GRM7: variants seen among roughly 807,000 people sequenced by gnomAD.
GRM7 encodes the protein glutamate metabotropic receptor 7.
Under a neutral mutation model 84.5 loss-of-function variants are expected in GRM7, and 35 were observed. That is an observed-to-expected ratio of 0.41 (90% CI 0.32 to 0.55). The LOEUF is 0.55. GRM7 is among the 20% of genes least tolerant of loss of function. GRM7 has a pLI of 0.19. For synonymous variants in GRM7, 487 were observed against 455.1 expected (o/e 1.07, Z -0.89); for missense variants, 1,003 against 1,194.6 (o/e 0.84, Z 2.36).
intron 1 of GRM7, among the ~76,000 whole-genome samples, chr3:6,887,593 G>T (rs541351917): frequency 1.3e-5 from 2 of 152,100 alleles, no homozygotes; most frequent in Admixed American, 6.6e-5. Flanking sequence ...GTATTCCATG[G>T]TGTATATATG....
chr3:7,015,538 A>C (rs1021012397), intron 1 of GRM7, among the ~76,000 whole-genome samples: 37 of 152,242 alleles, frequency 2.4e-4, no homozygotes, highest in African/African-American at 7.5e-4. Context: ...GATTAAAATA[A>C]TGAAAACATA....
chr3:7,404,073 A>G (rs950917355), intron 4 of GRM7, among the ~76,000 whole-genome samples: 1 of 152,158 alleles, frequency 6.6e-6, no homozygotes, highest in Non-Finnish European at 1.5e-5. Flanking sequence ...TCTGGTTTGG[A>G]GTCCAAGCAA....
intron 1 of GRM7, among the ~76,000 whole-genome samples, chr3:7,068,790 A>C (rs1165173960): frequency 1.3e-5 from 2 of 151,910 alleles, no homozygotes; most frequent in Admixed American, 6.6e-5. Flanking sequence ...TTCAGTTTCA[A>C]CTGTGAAAAA....
intron 4 of GRM7, among the ~76,000 whole-genome samples, chr3:7,316,939 G>T (rs1377608790): frequency 6.6e-6 from 1 of 152,106 alleles, no homozygotes; most frequent in East Asian, 1.9e-4. Context: ...AGAATATTCT[G>T]TCATCACGAG....
rs552329592 is a variant in GRM7 at position 7,664,747 on chromosome 3, T to C, written c.2452-15302T>C. Among the ~76,000 whole-genome samples, 8 of 152,262 alleles carry C rather than the reference T, an allele frequency of 5.3e-5. No homozygotes were observed. In the South Asian group the frequency reaches 1.7e-3, roughly 32 times the overall value. On this transcript the variant is annotated intron_variant, in intron 8 of 9. Transcript: ENST00000357716. ...AAGACAGGTAGTCTCTGCTCTACCATAGAAAGAAAATTATAAAGATACTGG... is the reference window on the plus strand; with the variant it reads ...AAGACAGGTAGTCTCTGCTCTACCACAGAAAGAAAATTATAAAGATACTGG...
intron 2 of GRM7, among the ~76,000 whole-genome samples, chr3:7,222,564 C>T (rs558819645): frequency 7.2e-5 from 11 of 152,220 alleles, no homozygotes; most frequent in East Asian, 1.9e-4. Flanking sequence ...AAAGGAACTC[C>T]GCCCTGCTGA....
intron 1 of GRM7, among the ~76,000 whole-genome samples, chr3:7,007,971 T>C (rs1177077464): frequency 1.3e-5 from 2 of 152,188 alleles, no homozygotes; most frequent in Non-Finnish European, 2.9e-5. Flanking sequence ...AAACGTTCCC[T>C]CTCATTCTGT....
intron 8 of GRM7, among the ~76,000 whole-genome samples, chr3:7,675,797 C>A (rs1275737994): frequency 1.3e-5 from 2 of 152,186 alleles, no homozygotes; most frequent in Non-Finnish European, 1.5e-5. Context: ...CCCCAGAAAC[C>A]TAACCTGGCA....
chr3:7,573,495 C>T (rs1193934917), intron 7 of GRM7, among the ~76,000 whole-genome samples: 1 of 152,172 alleles, frequency 6.6e-6, no homozygotes, highest in East Asian at 1.9e-4. Context: ...AAAATGGATG[C>T]ACTGAACAGT....
At position 7,537,519 on chromosome 3, in the gene GRM7, A is replaced by G. The variant is rs559414639; in HGVS notation, c.1516-40903A>G. Among the ~76,000 whole-genome samples the G allele has an allele frequency of 3.3e-5, 5 of 152,360 alleles. No individual in the cohort carries two copies. The East Asian group carries it at 7.7e-4, about 24-fold the overall frequency. ...AATAAATCTATCCACTAGTCAATCAATAAGGCAAATGACTAGGCTTAACTA... is the reference window on the plus strand; with the variant it reads ...AATAAATCTATCCACTAGTCAATCAGTAAGGCAAATGACTAGGCTTAACTA... On this transcript the variant is annotated intron_variant, in intron 7 of 9. Transcript: ENST00000357716.
intron 7 of GRM7, among the ~76,000 whole-genome samples, chr3:7,508,950 C>T (rs112566496): frequency 0.015 from 2,359 of 152,266 alleles, 31 homozygotes; most frequent in African/African-American, 0.039. Context: ...AGTTGTTTCT[C>T]CTTATCTGTG....
intron 1 of GRM7, among the ~76,000 whole-genome samples, chr3:7,063,552 T>A (rs1248070307): frequency 6.6e-6 from 1 of 151,822 alleles, no homozygotes; most frequent in Non-Finnish European, 1.5e-5. Context: ...AAGCTCATTT[T>A]CTTGCCCAAG....
chr3:7,175,332 T>C (rs536167482), intron 2 of GRM7, among the ~76,000 whole-genome samples: 16 of 152,344 alleles, frequency 1.1e-4, no homozygotes, highest in African/African-American at 3.6e-4. Flanking sequence ...TTTTATAATA[T>C]TTAATAATTT....
At chr3:7,705,093 G>A (rs1186348676) in intron 9 of GRM7, among the ~76,000 whole-genome samples, 1 of 152,022 alleles carries the variant, frequency 6.6e-6, no homozygotes, top group Non-Finnish European at 1.5e-5. Flanking sequence ...TCCCTCTAGA[G>A]TATCTCATAT....
intron 1 of GRM7, among the ~76,000 whole-genome samples, chr3:7,115,590 A>C (rs1450494386): frequency 1.3e-5 from 2 of 152,130 alleles, no homozygotes; most frequent in African/African-American, 2.4e-5. Context: ...TTCTAAATCA[A>C]GGGAAGGGCT....
chr3:7,369,895 G>A (rs945276670), intron 4 of GRM7, among the ~76,000 whole-genome samples: 1 of 152,114 alleles, frequency 6.6e-6, no homozygotes, highest in Non-Finnish European at 1.5e-5. Context: ...CTGGTTTACA[G>A]TATTTTTCTA....
Position 7,099,915 on chromosome 3 carries a change from A to G in GRM7, c.520-46537A>G, listed in dbSNP as rs577886888. On this transcript the variant is annotated intron_variant, in intron 1 of 9. Transcript: ENST00000357716. ...TATACATAGATTATACATATATAATATTAATATATTATATATATTATGATA... is the reference window on the plus strand; with the variant it reads ...TATACATAGATTATACATATATAATGTTAATATATTATATATATTATGATA... Among the ~76,000 whole-genome samples, 151 of 100,750 alleles carry G rather than the reference A, an allele frequency of 1.5e-3. 23 individuals carry two copies. The highest frequency in any genetic ancestry group is 9.6e-3 in the African/African-American group (139 of 14,464). The allele number at this position is 100,750 out of a possible 152,430, so 66.1% of individuals were successfully genotyped here.
intron 1 of GRM7, among the ~76,000 whole-genome samples, chr3:6,944,869 T>C (rs1162648219): frequency 6.6e-6 from 1 of 152,146 alleles, no homozygotes; most frequent in African/African-American, 2.4e-5. Flanking sequence ...GTTCTCTATT[T>C]ATTAAGTGAG....
At chr3:7,229,725 A>ATATATATATATAT (rs1697104646) in intron 2 of GRM7, among the ~76,000 whole-genome samples, 1 of 24,764 alleles carries the variant, frequency 4.0e-5, no homozygotes, top group Admixed American at 5.8e-4. Flanking sequence ...ATAGACACAC[A>ATATATATATATAT]CATATATATA....
Sources: allele counts gnomAD v4.1 joint callset (sites outside exome capture counted in the v4.1 genomes callset), GRCh38; gene constraint gnomAD v4.1.1; transcripts MANE v1.5; gene names NCBI Gene and HGNC (gene_info 2026-07-23, HGNC 2026-07-21).